The following ADGRD1 variants were observed in gnomAD, a reference collection of about 807,000 sequenced individuals.
The protein encoded by ADGRD1 is adhesion G protein-coupled receptor D1, also known as G-protein coupled receptor 133.
Under a neutral mutation model 113.4 loss-of-function variants are expected in ADGRD1, and 77 were observed. The observed-to-expected ratio is 0.68, with a 90% CI of 0.57 to 0.82. The LOEUF is 0.82. Ranked by LOEUF, ADGRD1 falls within the 40% of genes least tolerant of loss-of-function variation. ADGRD1 has a pLI of 0.00. For synonymous variants in ADGRD1, 474 were observed against 475.0 expected (o/e 1.00, Z 0.03); for missense variants, 1,036 against 1,139.1 (o/e 0.91, Z 1.30).
intron 13 of ADGRD1, among the ~76,000 whole-genome samples, chr12:131,031,942 A>G (rs1030278666): frequency 1.3e-5 from 2 of 152,126 alleles, no homozygotes; most frequent in Non-Finnish European, 2.9e-5. Flanking sequence ...TGTTTGGTGA[A>G]CTGCTGCCCC....
At chr12:131,074,121 G>A (rs1885394753) in intron 13 of ADGRD1, among the ~76,000 whole-genome samples, 1 of 152,176 alleles carries the variant, frequency 6.6e-6, no homozygotes, top group Non-Finnish European at 1.5e-5. Flanking sequence ...ACACTTTGGT[G>A]TACCTTGCTC....
chr12:130,981,017 C>T (rs1872917706), intron 4 of ADGRD1: 1 of 152,230 alleles, frequency 6.6e-6, no homozygotes, highest in African/African-American at 2.4e-5. Context: ...AATGTGCAGA[C>T]TAGAGTCTTG....
rs71095334 is a variant in ADGRD1 at position 131,101,377 on chromosome 12, C to CTTTTTTTTTTTTTTTTT, written c.1672-3443_1672-3427dup. Among the ~76,000 whole-genome samples the CTTTTTTTTTTTTTTTTT allele has an allele frequency of 4.4e-4, 16 of 36,148 alleles. 1 individual carries two copies. Among genetic ancestry groups the CTTTTTTTTTTTTTTTTT allele is most frequent in the African/African-American group, 5.5e-4 (6 of 10,888 alleles). The allele number at this position is 36,148 out of a possible 152,430, so 23.7% of individuals were successfully genotyped here. A position where few individuals can be genotyped will look rare whatever the true frequency, so the allele number is the denominator to read the frequency against. On this transcript the variant is annotated intron_variant, in intron 15 of 24. Coordinates refer to ENST00000261654, the MANE Select transcript of ADGRD1 (RefSeq NM_198827.5). ...TTATTTTTTTTCTTTTTCTTTCTTT[C>CTTTTTTTTTTTTTTTTT]TTTTTTTTTTTTTTTTTTTTTTTTT...
intron 13 of ADGRD1, among the ~76,000 whole-genome samples, chr12:131,066,690 T>A (rs546245737): frequency 1.3e-5 from 2 of 152,156 alleles, no homozygotes. Flanking sequence ...CAAGATCAGA[T>A]CCCAAGGAGC....
At chr12:131,121,457 T>C (rs1950591392) in intron 20 of ADGRD1, among the ~76,000 whole-genome samples, 1 of 152,198 alleles carries the variant, frequency 6.6e-6, no homozygotes. Context: ...GCGATCTCAC[T>C]GCAACCTCTG....
At chr12:131,046,519 GTCAAT>G in intron 13 of ADGRD1, among the ~76,000 whole-genome samples, 1 of 138,630 alleles carries the variant, frequency 7.2e-6, no homozygotes, top group African/African-American at 2.8e-5. Flanking sequence ...CCCCTCCCTG[GTCAAT>G]GCTCCCTCCC....
At chr12:131,124,214 C>T (rs1950685246) in intron 20 of ADGRD1, among the ~76,000 whole-genome samples, 1 of 152,216 alleles carries the variant, frequency 6.6e-6, no homozygotes, top group Non-Finnish European at 1.5e-5. Flanking sequence ...AGTCATCAGC[C>T]TTATTTCCAG....
At chr12:131,093,347 C>G (rs1483807586) in intron 15 of ADGRD1, among the ~76,000 whole-genome samples, 1 of 152,150 alleles carries the variant, frequency 6.6e-6, no homozygotes, top group Non-Finnish European at 1.5e-5. Flanking sequence ...CTAAATCTAG[C>G]TATGGGTGGG....
intron 13 of ADGRD1, among the ~76,000 whole-genome samples, chr12:131,016,503 A>G (rs564328621): frequency 1.2e-4 from 18 of 152,364 alleles, no homozygotes; most frequent in Admixed American, 1.0e-3. Flanking sequence ...GGCTCAGCCT[A>G]TGTTTGGAAA....
chr12:131,110,797 T>C (rs1950330203), intron 18 of ADGRD1, among the ~76,000 whole-genome samples: 1 of 152,254 alleles, frequency 6.6e-6, no homozygotes, highest in South Asian at 2.1e-4. Flanking sequence ...TTGTTATTTC[T>C]TGTAAGGCAT....
intron 2 of ADGRD1, among the ~76,000 whole-genome samples, chr12:130,961,740 G>A (rs755968536): frequency 6.6e-6 from 1 of 152,096 alleles, no homozygotes; most frequent in Non-Finnish European, 1.5e-5. Context: ...AAAGGAACCT[G>A]TGGGCTGAAT....
chr12:131,118,430 A>G lies in ADGRD1; in HGVS notation c.2087A>G (p.Asp696Gly). The G allele has an allele frequency of 6.2e-7, 1 of 1,611,856 alleles. No individual in the cohort carries two copies. The highest frequency in any genetic ancestry group is 8.5e-7 in the Non-Finnish European group (1 of 1,179,176). Residue 696 changes from aspartate (D) to glycine (G), a missense_variant, in exon 19 of 25, where the codon GAC becomes GGC. Transcript: ENST00000261654. Reference protein sequence around the residue: ...ICIISLSFAMDSYGTSNNCWL... With the variant: ...ICIISLSFAMGSYGTSNNCWL... ...ATCATTTCACTGTCATTTGCCATGG[A>G]CAGTTACGGAACAAGCAACAAGTAA...
intron 2 of ADGRD1, chr12:130,957,234 CCACA>C (rs531782922): frequency 1.3e-5 from 2 of 152,402 alleles, no homozygotes; most frequent in African/African-American, 2.4e-5. Context: ...ACACACATGA[CCACA>C]CAGTCACAGA....
chr12:130,954,497 A>T lies in ADGRD1; in HGVS notation c.32A>T (p.Tyr11Phe), dbSNP rs766703794. The T allele has an allele frequency of 4.4e-6, 7 of 1,585,516 alleles. No individual in the cohort carries two copies. In the Admixed American group the frequency reaches 1.2e-4, roughly 27 times the overall value. Residue 11 changes from tyrosine (Y) to phenylalanine (F), a missense_variant, in exon 1 of 25, where the codon TAC becomes TTC. Transcript: ENST00000261654. This position sits in a 1 kb window ranked among gnomAD's most constrained non-coding sequence, Gnocchi z 4.7. ...AAGCTGCTGCGGCTGTGCTGCTGGT[A>T]CTCCTGGCTGCTGCTATTTTATTAC... Reference protein sequence around the residue: MEKLLRLCCWYSWLLLFYYNF... With the variant: MEKLLRLCCWFSWLLLFYYNF...
chr12:131,116,210 A>G (rs2049567), intron 18 of ADGRD1, among the ~76,000 whole-genome samples: 2 of 151,988 alleles, frequency 1.3e-5, no homozygotes, highest in Non-Finnish European at 2.9e-5. Context: ...TGCTGGACAC[A>G]GGGGTAGATG....
At chr12:131,102,908 C>T (rs1165117382) in intron 15 of ADGRD1, among the ~76,000 whole-genome samples, 2 of 152,248 alleles carry the variant, frequency 1.3e-5, no homozygotes, top group African/African-American at 4.8e-5. Flanking sequence ...AAACCGCAGC[C>T]ATTCTCCTGA....
intron 8 of ADGRD1, among the ~76,000 whole-genome samples, chr12:130,996,972 AC>A (rs1566013482): frequency 1.0e-5 from 1 of 97,536 alleles, no homozygotes; most frequent in African/African-American, 4.2e-5. Context: ...TGACCCCCCA[AC>A]CTCCCTCCCG....
At chr12:131,116,354 T>G (rs1950463436) in intron 18 of ADGRD1, among the ~76,000 whole-genome samples, 1 of 152,362 alleles carries the variant, frequency 6.6e-6, no homozygotes, top group African/African-American at 2.4e-5. Flanking sequence ...TGGACAACTT[T>G]ATTGCCCAGA....
chr12:131,110,992 C>T (rs540436833), intron 18 of ADGRD1, among the ~76,000 whole-genome samples: 77 of 152,170 alleles, frequency 5.1e-4, no homozygotes, highest in Admixed American at 1.8e-3. Context: ...TACTGGGGTC[C>T]CTTGTATTTG....
Sources: gnomAD v4.1 joint callset for allele counts (sites outside exome capture counted in the v4.1 genomes callset) on GRCh38, gnomAD v4.1.1 for gene constraint, Gnocchi (gnomAD v3.1) non-coding constraint, MANE v1.5 for transcripts, NCBI Gene and HGNC (gene_info 2026-07-23, HGNC 2026-07-21) for gene names.